LINGO2: variants seen among roughly 807,000 people sequenced by gnomAD.
The protein encoded by LINGO2 is leucine-rich repeat and immunoglobulin-like domain-containing nogo receptor-interacting protein 2.
Under a neutral mutation model 30.6 loss-of-function variants are expected in LINGO2, and 14 were observed. The ratio of observed to expected loss-of-function variants is 0.46; its 90% CI spans 0.30 to 0.72. LINGO2 has a LOEUF of 0.72. Ranked by LOEUF, LINGO2 falls within the 30% of genes least tolerant of loss-of-function variation. The pLI, the probability that LINGO2 is intolerant of heterozygous loss-of-function variation, is 0.07. For missense variants in LINGO2, 729 were observed against 751.7 expected (o/e 0.97, Z 0.35); for synonymous variants, 317 against 288.5 (o/e 1.10, Z -1.00).
chr9:28,381,449 G>T lies in LINGO2; in HGVS notation c.-278-8581C>A, dbSNP rs77454340. Among the ~76,000 whole-genome samples the T allele has an allele frequency of 7.5e-3, 1,142 of 152,068 alleles. 19 individuals are homozygous for T. The highest frequency in any genetic ancestry group is 0.026 in the African/African-American group (1,068 of 41,490). On this transcript the variant is annotated intron_variant, in intron 2 of 5. Transcript: ENST00000379992. ...GTAAAAGATCTCAGGAATCACAGCC[G>T]CTCATGGAATACAGGACATAATTAT...
chr9:28,866,233 C>T, the LINGO2 span, among the ~76,000 whole-genome samples: 1 of 152,114 alleles, frequency 6.6e-6, no homozygotes, highest in Non-Finnish European at 1.5e-5. Flanking sequence ...TTTTCAAACT[C>T]TTGCACTATT....
chr9:28,758,278 T>G, the LINGO2 span, among the ~76,000 whole-genome samples: 18 of 152,106 alleles, frequency 1.2e-4, no homozygotes, highest in African/African-American at 4.1e-4. Context: ...GAACTATGAG[T>G]AGGTGATGGA....
chr9:29,057,265 T>A, the LINGO2 span, among the ~76,000 whole-genome samples: 6 of 152,184 alleles, frequency 3.9e-5, no homozygotes, highest in African/African-American at 1.4e-4. Context: ...TCTAAAATTA[T>A]GTATTAAAAT....
intron 4 of LINGO2, among the ~76,000 whole-genome samples, chr9:28,216,500 T>C (rs1421626363): frequency 6.6e-6 from 1 of 151,972 alleles, no homozygotes; most frequent in African/African-American, 2.4e-5. Flanking sequence ...GCAATGGCGG[T>C]TGCATTGTAA....
the LINGO2 span, among the ~76,000 whole-genome samples, chr9:29,052,442 AGG>A: frequency 2.0e-5 from 3 of 152,330 alleles, no homozygotes; most frequent in East Asian, 5.8e-4. Flanking sequence ...CTCCAAGGGC[AGG>A]AGAGTAGTGG....
At chr9:28,276,903 C>T (rs1161056950) in intron 4 of LINGO2, among the ~76,000 whole-genome samples, 2 of 152,112 alleles carry the variant, frequency 1.3e-5, no homozygotes, top group African/African-American at 4.8e-5. Context: ...TTCCTTCTCT[C>T]TTCCTAAGAT....
intron 1 of LINGO2, among the ~76,000 whole-genome samples, chr9:28,635,711 T>C (rs1445774515): frequency 6.6e-6 from 1 of 152,136 alleles, no homozygotes; most frequent in African/African-American, 2.4e-5. Flanking sequence ...AATTATTTCA[T>C]AGGGATAAAT....
At chr9:28,158,069 T>G (rs2383763) in intron 4 of LINGO2, among the ~76,000 whole-genome samples, 151,007 of 152,220 alleles carry the variant, frequency 0.99, 74,918 homozygotes, top group Middle Eastern at 1. Flanking sequence ...TACTCTAATG[T>G]TACCAATTTA....
chr9:28,732,703 T>C, the LINGO2 span, among the ~76,000 whole-genome samples: 1 of 152,370 alleles, frequency 6.6e-6, no homozygotes, highest in African/African-American at 2.4e-5. Flanking sequence ...ACAGACTTTT[T>C]TGTTTAATGT....
At chr9:28,503,281 A>G (rs146668779) in intron 1 of LINGO2, among the ~76,000 whole-genome samples, 232 of 152,206 alleles carry the variant, frequency 1.5e-3, no homozygotes, top group African/African-American at 5.4e-3. Flanking sequence ...TTAAATGTAC[A>G]TAAAAATTAA....
chr9:28,898,904 T>C, the LINGO2 span, among the ~76,000 whole-genome samples: 13 of 152,020 alleles, frequency 8.6e-5, no homozygotes, highest in Admixed American at 2.6e-4. Context: ...AATGTGCACA[T>C]GTATCCCTGA....
intron 2 of LINGO2, among the ~76,000 whole-genome samples, chr9:28,446,000 A>C (rs1367209194): frequency 1.3e-5 from 2 of 152,246 alleles, no homozygotes; most frequent in Non-Finnish European, 2.9e-5. Context: ...ATTTGAGGAT[A>C]TATATCACAA....
At chr9:28,872,619 T>C in the LINGO2 span, among the ~76,000 whole-genome samples, 1 of 152,260 alleles carries the variant, frequency 6.6e-6, no homozygotes, top group East Asian at 1.9e-4. Context: ...TGCACAAAAA[T>C]TCCTCTCCAG....
At chr9:28,901,124 C>T in the LINGO2 span, among the ~76,000 whole-genome samples, 4 of 152,056 alleles carry the variant, frequency 2.6e-5, no homozygotes, top group Admixed American at 6.6e-5. Context: ...TAACATATTT[C>T]TTACTATAAA....
chr9:28,861,274 A>ATTTATATATTATATAT, the LINGO2 span, among the ~76,000 whole-genome samples: 1 of 123,446 alleles, frequency 8.1e-6, no homozygotes, highest in Non-Finnish European at 1.6e-5. Context: ...AATATATAAT[A>ATTTATATATTATATAT]TTTATATATT....
At chr9:28,419,275 T>G (rs2134867510) in intron 2 of LINGO2, among the ~76,000 whole-genome samples, 1 of 152,326 alleles carries the variant, frequency 6.6e-6, no homozygotes, top group African/African-American at 2.4e-5. Context: ...TGAAAACTTC[T>G]TGAATTTTTG....
chr9:29,076,185 A>G, the LINGO2 span, among the ~76,000 whole-genome samples: 1 of 152,094 alleles, frequency 6.6e-6, no homozygotes, highest in African/African-American at 2.4e-5. Flanking sequence ...ATCAAAAAAC[A>G]TTCGTTAAGA....
At chr9:28,891,873 C>T in the LINGO2 span, among the ~76,000 whole-genome samples, 2,221 of 151,900 alleles carry the variant, frequency 0.015, 24 homozygotes, top group Middle Eastern at 0.031. Flanking sequence ...ATTTAGACTA[C>T]GTGAATGCTG....
chr9:28,984,187 G>A, the LINGO2 span, among the ~76,000 whole-genome samples: 30 of 152,130 alleles, frequency 2.0e-4, no homozygotes, highest in Non-Finnish European at 2.9e-4. Flanking sequence ...TACAAAATCC[G>A]TTCTCTAGCC....
Sources: gnomAD v4.1 joint callset for allele counts (sites outside exome capture counted in the v4.1 genomes callset) on GRCh38, gnomAD v4.1.1 for gene constraint, MANE v1.5 for transcripts, NCBI Gene and HGNC (gene_info 2026-07-23, HGNC 2026-07-21) for gene names.